The following SOX6 variants were observed in gnomAD, a reference collection of about 807,000 sequenced individuals.
SOX6 encodes the protein SRY-box transcription factor 6, also known as transcription factor SOX-6.
In SOX6, 11 loss-of-function variants were observed where a neutral mutation model predicts 97.8. The ratio of observed to expected loss-of-function variants is 0.11; its 90% CI spans 0.07 to 0.19. SOX6 has a LOEUF of 0.19. Among genes scored for constraint, SOX6 ranks in the 10% least tolerant of loss-of-function variants. The pLI, the probability that SOX6 is intolerant of heterozygous loss-of-function variation, is 1.00. For missense variants in SOX6, 810 were observed against 1,039.5 expected, an observed-to-expected ratio of 0.78 and a Z score of 3.04; for synonymous variants, 360 against 371.4, an observed-to-expected ratio of 0.97 and a Z score of 0.35.
chr11:16,659,710 A>AT (rs1389009348), intron 3 of SOX6, among the ~76,000 whole-genome samples: 2 of 151,888 alleles, frequency 1.3e-5, no homozygotes, highest in African/African-American at 4.8e-5. Context: ...AATTAGTATG[A>AT]TTTTTTTCTT....
intron 9 of SOX6, among the ~76,000 whole-genome samples, chr11:16,083,901 T>C (rs1174382936): frequency 6.6e-6 from 1 of 152,124 alleles, no homozygotes; most frequent in Non-Finnish European, 1.5e-5. Flanking sequence ...AGTGGTAGAG[T>C]TGGGACTTGA....
At chr11:16,224,435 CATA>C (rs1389407693) in intron 4 of SOX6, among the ~76,000 whole-genome samples, 2 of 152,004 alleles carry the variant, frequency 1.3e-5, no homozygotes, top group Non-Finnish European at 2.9e-5. Flanking sequence ...TCTAATGTAT[CATA>C]ATACTTTAGA....
chr11:16,142,141 C>T (rs1048144402), intron 6 of SOX6, among the ~76,000 whole-genome samples: 2 of 152,138 alleles, frequency 1.3e-5, no homozygotes, highest in African/African-American at 4.8e-5. Flanking sequence ...CCAGGCACCC[C>T]TCTGAGACAA....
chr11:16,416,317 T>C (rs1858926031), intron 1 of SOX6, among the ~76,000 whole-genome samples: 1 of 152,114 alleles, frequency 6.6e-6, no homozygotes, highest in African/African-American at 2.4e-5. Context: ...GCAAGGAAAA[T>C]ATAAAACAAC....
intron 3 of SOX6, 79 bp downstream of exon 3, chr11:16,318,367 T>C (rs1317219241): frequency 2.7e-6 from 4 of 1,475,242 alleles, no homozygotes; most frequent in Non-Finnish European, 3.8e-6. Context: ...ACCCTTGAAA[T>C]CCCACTTTTT....
chr11:16,668,054 A>G (rs1447526038), intron 3 of SOX6, among the ~76,000 whole-genome samples: 1 of 152,162 alleles, frequency 6.6e-6, no homozygotes, highest in Non-Finnish European at 1.5e-5. Flanking sequence ...ATAAGATAGT[A>G]TTTGCAAGCC....
intron 4 of SOX6, among the ~76,000 whole-genome samples, chr11:16,502,411 T>C (rs896817412): frequency 1.3e-5 from 2 of 151,956 alleles, no homozygotes; most frequent in Non-Finnish European, 2.9e-5. Flanking sequence ...TGTATACATA[T>C]GTAACAAACG....
chr11:16,710,640 A>C (rs899743670), intron 3 of SOX6, among the ~76,000 whole-genome samples: 1 of 152,062 alleles, frequency 6.6e-6, no homozygotes, highest in Non-Finnish European at 1.5e-5. Context: ...TCTGACTTAC[A>C]AGTTATAGGG....
At chr11:15,999,552 C>T (rs1394632550) in intron 13 of SOX6, among the ~76,000 whole-genome samples, 1 of 151,924 alleles carries the variant, frequency 6.6e-6, no homozygotes, top group Non-Finnish European at 1.5e-5. Context: ...AAACAAAAAC[C>T]CCACAAAATA....
intron 4 of SOX6, among the ~76,000 whole-genome samples, chr11:16,202,962 A>G (rs961279262): frequency 6.6e-6 from 1 of 152,172 alleles, no homozygotes; most frequent in Non-Finnish European, 1.5e-5. Flanking sequence ...AGATTCTGCC[A>G]TTCGTGGATG....
intron 4 of SOX6, among the ~76,000 whole-genome samples, chr11:16,595,663 T>C (rs1461852041): frequency 6.7e-6 from 1 of 150,182 alleles, no homozygotes; most frequent in Non-Finnish European, 1.5e-5. Flanking sequence ...TAGTCGCAGC[T>C]ACTCAGGAGG....
intron 1 of SOX6, among the ~76,000 whole-genome samples, chr11:16,442,412 A>G (rs1859521012): frequency 6.6e-6 from 1 of 152,190 alleles, no homozygotes; most frequent in African/African-American, 2.4e-5. Flanking sequence ...CCTTAAAAGT[A>G]TATATCACAA....
At chr11:16,070,305 G>A (rs1848194414) in intron 9 of SOX6, among the ~76,000 whole-genome samples, 5 of 152,116 alleles carry the variant, frequency 3.3e-5, no homozygotes, top group Admixed American at 3.3e-4. Context: ...TGGGTGTGGA[G>A]GTGAGGAGAA....
intron 4 of SOX6, among the ~76,000 whole-genome samples, chr11:16,508,889 A>C (rs1860833763): frequency 6.6e-6 from 1 of 152,100 alleles, no homozygotes; most frequent in South Asian, 2.1e-4. Flanking sequence ...AGTCCTAAAT[A>C]CCCCGACATG....
At chr11:16,019,847 A>C (rs946993332) in intron 12 of SOX6, among the ~76,000 whole-genome samples, 20 of 152,152 alleles carry the variant, frequency 1.3e-4, no homozygotes, top group Non-Finnish European at 2.5e-4. Context: ...TTTTCTAAGA[A>C]AAATAACAAA....
At chr11:16,640,497 C>G (rs968290794) in intron 3 of SOX6, among the ~76,000 whole-genome samples, 2 of 152,178 alleles carry the variant, frequency 1.3e-5, no homozygotes, top group African/African-American at 4.8e-5. Flanking sequence ...ACCAGCTCCT[C>G]CTTGTACCTC....
At chr11:16,375,976 A>G (rs971588512) in intron 1 of SOX6, among the ~76,000 whole-genome samples, 1 of 152,124 alleles carries the variant, frequency 6.6e-6, no homozygotes, top group African/African-American at 2.4e-5. Flanking sequence ...GGAGTTGAAC[A>G]ATGAGAACAC....
intron 3 of SOX6, among the ~76,000 whole-genome samples, chr11:16,284,475 T>C (rs575824863): frequency 6.6e-6 from 1 of 152,318 alleles, no homozygotes; most frequent in East Asian, 1.9e-4. Context: ...TCCCTTCTTA[T>C]TCATGCTTCT....
chr11:16,385,135 T>A (rs1388705393), intron 1 of SOX6, among the ~76,000 whole-genome samples: 1 of 152,078 alleles, frequency 6.6e-6, no homozygotes, highest in East Asian at 1.9e-4. Context: ...CTAGTACAGA[T>A]TTGAGATGAA....
Sources: allele counts gnomAD v4.1 joint callset (sites outside exome capture counted in the v4.1 genomes callset), GRCh38; gene constraint gnomAD v4.1.1; transcripts MANE v1.5; gene names NCBI Gene and HGNC (gene_info 2026-07-23, HGNC 2026-07-21).